GRIK4: variants seen among roughly 807,000 people sequenced by gnomAD.
GRIK4 encodes glutamate ionotropic receptor kainate type subunit 4.
In GRIK4, 40 loss-of-function variants were observed where a neutral mutation model predicts 104.9. The observed-to-expected ratio is 0.38, with a 90% confidence interval of 0.30 to 0.50. GRIK4 has a LOEUF of 0.50. Among genes scored for constraint, GRIK4 ranks in the 20% least tolerant of loss-of-function variants. The pLI, the probability that GRIK4 is intolerant of heterozygous loss-of-function variation, is 0.93. For missense variants in GRIK4, 1,047 were observed against 1,308.1 expected (o/e 0.80, Z 3.08); for synonymous variants, 485 against 524.9 (o/e 0.92, Z 1.04).
At chr11:120,973,464 G>T (rs941217088) in intron 19 of GRIK4, among the ~76,000 whole-genome samples, 1 of 152,218 alleles carries the variant, frequency 6.6e-6, no homozygotes, top group African/African-American at 2.4e-5. Context: ...AAATGCATCC[G>T]AAGATTTCTG....
chr11:120,685,348 T>C (rs1474619611), intron 3 of GRIK4, among the ~76,000 whole-genome samples: 1 of 152,214 alleles, frequency 6.6e-6, no homozygotes, highest in East Asian at 1.9e-4. Context: ...AATCCCCAGG[T>C]GATTCTCATG....
intron 11 of GRIK4, among the ~76,000 whole-genome samples, chr11:120,888,112 G>A (rs1955172747): frequency 6.6e-6 from 1 of 152,188 alleles, no homozygotes; most frequent in Non-Finnish European, 1.5e-5. Context: ...AAAGACAAGG[G>A]ATAGCAAAGG....
At chr11:120,889,890 C>T (rs1275654652) in intron 11 of GRIK4, among the ~76,000 whole-genome samples, 2 of 152,104 alleles carry the variant, frequency 1.3e-5, no homozygotes. Context: ...AGGCGTGAGT[C>T]ACTGCACCCA....
At chr11:120,598,361 C>T (rs560764992) in intron 1 of GRIK4, among the ~76,000 whole-genome samples, 12 of 152,296 alleles carry the variant, frequency 7.9e-5, no homozygotes, top group East Asian at 5.8e-4. Flanking sequence ...GGTAGCAGAA[C>T]GGTGGTTTGA....
intron 8 of GRIK4, among the ~76,000 whole-genome samples, chr11:120,848,829 G>C (rs1187885079): frequency 1.3e-5 from 2 of 152,132 alleles, no homozygotes; most frequent in African/African-American, 4.8e-5. Context: ...CTTTCAGTGA[G>C]ATCTGGTTAT....
In GRIK4 at chr11:120,987,572, G is replaced by A. The variant is rs1944777894; in HGVS notation, c.*1312G>A. The A allele has an allele frequency of 6.6e-6, 1 of 152,210 alleles. No homozygotes were observed. The highest frequency in any genetic ancestry group is 2.4e-5 in the African/African-American group (1 of 41,442). 9.4% of individuals were successfully genotyped at this position (152,210 alleles called of 1,614,324 possible). A position where few individuals can be genotyped will look rare whatever the true frequency, so the allele number is the denominator to read the frequency against. On this transcript the variant is annotated 3_prime_UTR_variant, in exon 21 of 21. Coordinates refer to ENST00000527524, the MANE Select transcript of GRIK4 (RefSeq NM_014619.5). ...TCTCCTAGTCAATACACGGGCCTGG[G>A]AACCAGGAACTCTTGAGTCGTAACC...
intron 1 of GRIK4, among the ~76,000 whole-genome samples, chr11:120,593,208 C>A (rs577155717): frequency 2.7e-5 from 4 of 150,580 alleles, no homozygotes; most frequent in Admixed American, 2.6e-4. Flanking sequence ...AAGCCGCCTG[C>A]AGTTGTACCT....
chr11:120,738,497 G>C (rs560502161), intron 3 of GRIK4, among the ~76,000 whole-genome samples: 68 of 152,350 alleles, frequency 4.5e-4, no homozygotes, highest in Middle Eastern at 6.8e-3. Flanking sequence ...CTTGGAAGAT[G>C]AGCTACATGG....
chr11:120,931,912 A>T (rs1246290678), intron 13 of GRIK4, among the ~76,000 whole-genome samples: 1 of 151,884 alleles, frequency 6.6e-6, no homozygotes, highest in African/African-American at 2.4e-5. Context: ...TGTTCTAGCC[A>T]CTCTGGCCTT....
intron 3 of GRIK4, among the ~76,000 whole-genome samples, chr11:120,797,547 T>A (rs1213810296): frequency 6.6e-6 from 1 of 152,230 alleles, no homozygotes; most frequent in Non-Finnish European, 1.5e-5. Context: ...TTGTCTTTGA[T>A]GTCCACAGCT....
intron 3 of GRIK4, among the ~76,000 whole-genome samples, chr11:120,688,395 G>A (rs2135303779): frequency 6.6e-6 from 1 of 152,332 alleles, no homozygotes. Context: ...TTAGCTGGGT[G>A]TCTTGGTAGC....
At chr11:120,873,816 CCA>C in intron 9 of GRIK4, 1 of 408,508 alleles carries the variant, frequency 2.4e-6, no homozygotes, top group Non-Finnish European at 4.4e-6. Flanking sequence ...GCCCAAAGGG[CCA>C]GCACAAGGCT....
chr11:120,934,438 G>C (rs1295380350), intron 13 of GRIK4, among the ~76,000 whole-genome samples: 1 of 152,138 alleles, frequency 6.6e-6, no homozygotes, highest in Non-Finnish European at 1.5e-5. Flanking sequence ...GGCAGACGCA[G>C]ACCACAGCCT....
chr11:120,914,572 C>G (rs1317824945), intron 13 of GRIK4, among the ~76,000 whole-genome samples: 1 of 152,160 alleles, frequency 6.6e-6, no homozygotes, highest in East Asian at 1.9e-4. Context: ...ATATTATATT[C>G]TAGGTGAGGT....
intron 1 of GRIK4, among the ~76,000 whole-genome samples, chr11:120,526,107 T>G (rs1947853263): frequency 6.6e-6 from 1 of 152,190 alleles, no homozygotes; most frequent in Non-Finnish European, 1.5e-5. Flanking sequence ...GCAGGGGGCC[T>G]GAGAAAGGGC....
At chr11:120,723,136 G>C (rs533954666) in intron 3 of GRIK4, among the ~76,000 whole-genome samples, 33 of 152,140 alleles carry the variant, frequency 2.2e-4, no homozygotes, top group Admixed American at 3.3e-4. Context: ...GCTCATCATT[G>C]GTTTTATGTC....
intron 11 of GRIK4, among the ~76,000 whole-genome samples, chr11:120,879,647 G>C (rs1226492638): frequency 6.6e-6 from 1 of 152,142 alleles, no homozygotes; most frequent in African/African-American, 2.4e-5. Flanking sequence ...GAGATTGCAG[G>C]GTCAGGGACA....
intron 3 of GRIK4, among the ~76,000 whole-genome samples, chr11:120,767,080 T>G (rs542547164): frequency 5.3e-4 from 81 of 152,250 alleles, no homozygotes; most frequent in Non-Finnish European, 1.0e-3. Flanking sequence ...GAGGGATTGT[T>G]GAGTTGTATG....
chr11:120,864,723 A>T (rs1162760155), intron 9 of GRIK4, among the ~76,000 whole-genome samples: 1 of 152,180 alleles, frequency 6.6e-6, no homozygotes, highest in African/African-American at 2.4e-5. Context: ...ATTGATGCTC[A>T]CATTGGCCAC....
Sources: gnomAD v4.1 joint callset for allele counts (sites outside exome capture counted in the v4.1 genomes callset) on GRCh38, gnomAD v4.1.1 for gene constraint, MANE v1.5 for transcripts, NCBI Gene and HGNC (gene_info 2026-07-23, HGNC 2026-07-21) for gene names.